Variants in CACNA1A observed in about 807,000 individuals in gnomAD.
CACNA1A encodes voltage-dependent P/Q-type calcium channel subunit alpha-1A.
CACNA1A carries 57 observed loss-of-function variants against 262.4 expected under a neutral mutation model. The observed-to-expected ratio is 0.22, with a 90% confidence interval of 0.18 to 0.27. CACNA1A has a LOEUF of 0.27. CACNA1A is among the 10% of genes least tolerant of loss of function. The probability of loss-of-function intolerance (pLI) is 1.00; values close to 1 mark genes in which losing one functional copy is unlikely to be tolerated. For synonymous variants in CACNA1A, 1,431 were observed against 1,419.3 expected (o/e 1.01, Z -0.18); for missense variants, 2,526 against 3,562.8 (o/e 0.71, Z 7.41).
intron 30 of CACNA1A, among the ~76,000 whole-genome samples, chr19:13,246,039 C>T (rs1353784907): frequency 3.9e-5 from 6 of 152,204 alleles, no homozygotes; most frequent in East Asian, 1.9e-4. Flanking sequence ...AGATGTAAAG[C>T]CAGGATTTGA....
chr19:13,504,820 C>T (rs981111803), intron 1 of CACNA1A, among the ~76,000 whole-genome samples: 2 of 152,190 alleles, frequency 1.3e-5, no homozygotes, highest in Non-Finnish European at 2.9e-5. Context: ...CCACCCTTGC[C>T]TGCCTACATC....
At chr19:13,455,666 T>C (rs2060992607) in intron 1 of CACNA1A, among the ~76,000 whole-genome samples, 1 of 152,046 alleles carries the variant, frequency 6.6e-6, no homozygotes, top group Non-Finnish European at 1.5e-5. Flanking sequence ...TGTAGTAAGA[T>C]GGTGAAGACT....
chr19:13,220,257 G>T (rs886887918), intron 38 of CACNA1A, among the ~76,000 whole-genome samples: 1 of 66,406 alleles, frequency 1.5e-5, no homozygotes, highest in African/African-American at 7.8e-5. Context: ...GTGAAATTCT[G>T]TCTCAAGAAA....
chr19:13,293,166 GCTTA>G (rs2057582301), intron 19 of CACNA1A, among the ~76,000 whole-genome samples: 1 of 152,078 alleles, frequency 6.6e-6, no homozygotes, highest in African/African-American at 2.4e-5. Flanking sequence ...CTTCCTGAGT[GCTTA>G]CTATTACTGC....
chr19:13,406,468 TATATATATA>T (rs2060007336), intron 3 of CACNA1A, among the ~76,000 whole-genome samples: 6 of 13,782 alleles, frequency 4.4e-4, no homozygotes, highest in South Asian at 2.2e-3. Context: ...AAAAAAATTA[TATATATATA>T]TATATATATA....
rs137878988 is a variant in CACNA1A, at chr19:13,336,782, C to T, written c.979-873G>A. On this transcript the variant is annotated intron_variant, in intron 6 of 46. Coordinates refer to ENST00000360228, the MANE Select transcript of CACNA1A (RefSeq NM_001127222.2). ...AATGCCCATGTTACTATTGAGGAAA[C>T]TGAGGCTTAGAAAGACAAAATCATC... Among the ~76,000 whole-genome samples, 208 of 152,280 alleles carry T rather than the reference C, an allele frequency of 1.4e-3. 3 individuals carry two copies. The highest frequency in any genetic ancestry group is 3.4e-4 in the Non-Finnish European group (23 of 68,028).
intron 6 of CACNA1A, among the ~76,000 whole-genome samples, chr19:13,355,298 C>T (rs945837197): frequency 1.3e-5 from 2 of 152,166 alleles, no homozygotes; most frequent in South Asian, 2.1e-4. Flanking sequence ...GATCCTCCCC[C>T]GGAGGCTTTT....
At chr19:13,439,404 T>C (rs973526407) in intron 3 of CACNA1A, among the ~76,000 whole-genome samples, 1 of 139,274 alleles carries the variant, frequency 7.2e-6, no homozygotes, top group Non-Finnish European at 1.5e-5. Flanking sequence ...TTCTTCTTTT[T>C]TCTTTTTTTT....
chr19:13,317,941 G>A (rs751407740), intron 10 of CACNA1A, among the ~76,000 whole-genome samples: 4 of 152,114 alleles, frequency 2.6e-5, no homozygotes, highest in Non-Finnish European at 2.9e-5. Context: ...GACAGTGGAC[G>A]TAATAAGTAA....
At chr19:13,498,769 T>G (rs1981990269) in intron 1 of CACNA1A, among the ~76,000 whole-genome samples, 1 of 152,158 alleles carries the variant, frequency 6.6e-6, no homozygotes, top group Admixed American at 6.5e-5. Flanking sequence ...CCCCCTTTCT[T>G]GGTCAACGGC....
intron 22 of CACNA1A, 178 bp from the exon 23 acceptor site, chr19:13,277,306 C>T (rs1168514540): frequency 1.8e-6 from 1 of 543,772 alleles, no homozygotes. Flanking sequence ...TCTTTTCATA[C>T]TGCAGATTTG....
chr19:13,315,958 T>C (rs956625670), intron 11 of CACNA1A: 2 of 152,212 alleles, frequency 1.3e-5, no homozygotes, highest in Admixed American at 6.5e-5. Flanking sequence ...TATTTTATTT[T>C]ATTTTACTTT....
chr19:13,209,833 G>C (rs2054738102), intron 44 of CACNA1A, among the ~76,000 whole-genome samples: 1 of 152,078 alleles, frequency 6.6e-6, no homozygotes, highest in African/African-American at 2.4e-5. Flanking sequence ...GGCTCAGGCT[G>C]GCCAGAGGGA....
chr19:13,223,030 T>C (rs2055296534), intron 38 of CACNA1A, among the ~76,000 whole-genome samples: 1 of 151,996 alleles, frequency 6.6e-6, no homozygotes, highest in South Asian at 2.1e-4. Context: ...TTTCTTTTTC[T>C]TTCTGTTGTT....
chr19:13,382,268 C>T (rs2059536821), intron 3 of CACNA1A, among the ~76,000 whole-genome samples: 1 of 152,106 alleles, frequency 6.6e-6, no homozygotes, highest in Non-Finnish European at 1.5e-5. Flanking sequence ...ATAGCACAGT[C>T]AGAACATCTC....
chr19:13,246,262 G>C (rs1040843081), intron 30 of CACNA1A, among the ~76,000 whole-genome samples: 10 of 152,176 alleles, frequency 6.6e-5, no homozygotes, highest in Non-Finnish European at 1.2e-4. Context: ...GGGCTTTGGG[G>C]CCTTTCAGGC....
rs369986142 is a variant in CACNA1A at position 13,275,582 on chromosome 19, G to C, written c.3989+268C>G. On this transcript the variant is annotated intron_variant, in intron 24 of 46. Coordinates refer to ENST00000360228, the MANE Select transcript of CACNA1A (RefSeq NM_001127222.2). ...AGGCTAGTCTACAGGAAGCTGCACA[G>C]CAAGGGGCCAGTGATGTGGCTGAGG... 255 of 503,170 alleles carry C rather than the reference G, an allele frequency of 5.1e-4. 1 individual carries two copies. In the South Asian group the frequency reaches 5.3e-3, roughly 10 times the overall value. The allele number at this position is 503,170 out of a possible 1,614,324, so 31.2% of individuals were successfully genotyped here.
chr19:13,441,245 A>G (rs1244408459), intron 3 of CACNA1A, among the ~76,000 whole-genome samples: 6 of 152,152 alleles, frequency 3.9e-5, no homozygotes, highest in African/African-American at 1.2e-4. Flanking sequence ...AACCCCAAAG[A>G]CCAGGTCTTA....
intron 30 of CACNA1A, among the ~76,000 whole-genome samples, chr19:13,248,811 C>T (rs1328344561): frequency 6.6e-6 from 1 of 150,490 alleles, no homozygotes; most frequent in Non-Finnish European, 1.5e-5. Context: ...CCACTGCACT[C>T]CAGCCTGGGC....
Sources: allele counts gnomAD v4.1 joint callset (sites outside exome capture counted in the v4.1 genomes callset), GRCh38; gene constraint gnomAD v4.1.1; transcripts MANE v1.5; gene names NCBI Gene and HGNC (gene_info 2026-07-23, HGNC 2026-07-21).